LCA5L: variants seen among roughly 807,000 people sequenced by gnomAD.
LCA5L encodes lebercilin-like protein.
LCA5L carries 35 observed loss-of-function variants against 45.4 expected under a neutral mutation model. That is an observed-to-expected ratio of 0.77 (90% CI 0.59 to 1.02). The LOEUF is 1.02. LCA5L is among the 50% of genes least tolerant of loss of function. The probability of loss-of-function intolerance (pLI) is 0.00; values close to 1 mark genes in which losing one functional copy is unlikely to be tolerated. For synonymous variants in LCA5L, 233 were observed against 264.7 expected (o/e 0.88, Z 1.16); for missense variants, 668 against 761.6 (o/e 0.88, Z 1.45).
intron 1 of LCA5L, among the ~76,000 whole-genome samples, chr21:39,445,122 A>T (rs2077322169): frequency 6.6e-6 from 1 of 152,154 alleles, no homozygotes; most frequent in Non-Finnish European, 1.5e-5. Flanking sequence ...GAAAAAAGTT[A>T]ACCGTTGGCT....
At position 39,422,995 on chromosome 21, in the gene LCA5L, G is replaced by T. The variant is rs1219349170; in HGVS notation, c.818C>A (p.Ala273Glu). The T allele has an allele frequency of 6.2e-7, 1 of 1,610,206 alleles. No homozygotes were observed. The change falls in exon 6 of 11, where the codon GCA (alanine) becomes GAA (glutamate). Residue 273 changes from alanine (A) to glutamate (E), a missense_variant. Ala to Glu is a moderately radical substitution (Grantham distance 107). Transcript: ENST00000288350. Reference protein sequence around the residue: ...KLSIITTKMDANDKKIQSLEK... With the variant: ...KLSIITTKMDENDKKIQSLEK... ...ACAGACCTGTATTTTTTTGTCATTT[G>T]CGTCCATTTTTGTTGTGATAATAGA...
At chr21:39,444,053 A>G (rs1467621325) in intron 2 of LCA5L, 82 bp downstream of exon 2, 1 of 151,826 alleles carries the variant, frequency 6.6e-6, no homozygotes, top group African/African-American at 2.4e-5. Context: ...ACAACAAAAA[A>G]AGAGAGATTG....
At chr21:39,434,044 AGGATATTCCTAGCATTCT>A (rs1159827277) in intron 3 of LCA5L, among the ~76,000 whole-genome samples, 1 of 151,680 alleles carries the variant, frequency 6.6e-6, no homozygotes, top group Non-Finnish European at 1.5e-5. Context: ...TCAAAGAGAC[AGGATATTCCTAGCATTCT>A]GGAATTCCCA....
intron 6 of LCA5L, 28 bp from the exon 7 acceptor site, chr21:39,420,871 C>G (rs1446681859): frequency 1.3e-6 from 2 of 1,563,396 alleles, no homozygotes; most frequent in South Asian, 1.1e-5. Flanking sequence ...TATAACTATT[C>G]TGCAACCAAG....
intron 5 of LCA5L, 34 bp downstream of exon 5, chr21:39,428,138 A>C (rs1298486661): frequency 8.1e-7 from 1 of 1,230,688 alleles, no homozygotes; most frequent in East Asian, 2.3e-5. Flanking sequence ...TTATGACAGA[A>C]ATTTGGTCTT....
intron 5 of LCA5L, among the ~76,000 whole-genome samples, chr21:39,427,237 T>C (rs570067512): frequency 6.6e-6 from 1 of 152,184 alleles, no homozygotes; most frequent in South Asian, 2.1e-4. Context: ...GGAATACTTA[T>C]GAGCTCAAGA....
chr21:39,428,580 A>T (rs867746067), intron 4 of LCA5L, 77 bp from the exon 5 acceptor site: 88 of 23,348 alleles, frequency 3.8e-3, no homozygotes, highest in Non-Finnish European at 6.8e-3. Flanking sequence ...GCTTTATTTT[A>T]TATATATATA....
chr21:39,423,725 T>C (rs1052406731), intron 5 of LCA5L, among the ~76,000 whole-genome samples: 1 of 152,198 alleles, frequency 6.6e-6, no homozygotes, highest in Non-Finnish European at 1.5e-5. Flanking sequence ...AGTTGTAATA[T>C]ATTTTATAGC....
In LCA5L at chr21:39,428,321, C is replaced by T. The variant is rs112771223; in HGVS notation, c.173G>A (p.Cys58Tyr). The change falls in exon 5 of 11, where the codon TGT (cysteine) becomes TAT (tyrosine). Residue 58 changes from cysteine to tyrosine, a missense_variant. Physicochemically the swap from Cys to Tyr is radical, Grantham distance 194. Coordinates refer to ENST00000288350, the MANE Select transcript of LCA5L (RefSeq NM_152505.4). The part of the protein sequence containing the change: ...SVDYSRSQCS[C>Y]GSLSSQYDYS... ...ATCATACTGAGAACTTAAACTTCCA[C>T]AGGAGCACTGAGATCTGCTATAATC... 1 of 1,613,696 alleles carries T rather than the reference C, an allele frequency of 6.2e-7. No individual in the cohort carries two copies. Among genetic ancestry groups the T allele is most frequent in the Non-Finnish European group, 8.5e-7 (1 of 1,179,846 alleles).
intron 3 of LCA5L, among the ~76,000 whole-genome samples, chr21:39,430,480 A>G (rs1005936086): frequency 1.3e-5 from 2 of 152,192 alleles, no homozygotes; most frequent in African/African-American, 4.8e-5. Context: ...GACAATTTGA[A>G]GGCAGACCGG....
chr21:39,414,761 T>TGTGTGA (rs2040834216), intron 7 of LCA5L, among the ~76,000 whole-genome samples: 1 of 151,516 alleles, frequency 6.6e-6, no homozygotes, highest in African/African-American at 2.4e-5. Context: ...TGTGTGTGTG[T>TGTGTGA]GTGTGTGTGT....
intron 5 of LCA5L, chr21:39,426,183 A>T (rs2074671929): frequency 6.6e-6 from 1 of 152,112 alleles, no homozygotes; most frequent in South Asian, 2.1e-4. Flanking sequence ...GTGGGTGGGG[A>T]GGACAAGCCA....
At chr21:39,439,208 TG>T (rs1266743413) in intron 2 of LCA5L, among the ~76,000 whole-genome samples, 1 of 152,110 alleles carries the variant, frequency 6.6e-6, no homozygotes, top group Non-Finnish European at 1.5e-5. Context: ...GCTTTCAAGA[TG>T]GAAGAAGGGG....
chr21:39,420,197 G>C (rs781099476), intron 7 of LCA5L, among the ~76,000 whole-genome samples: 15 of 152,046 alleles, frequency 9.9e-5, no homozygotes, highest in African/African-American at 2.4e-4. Flanking sequence ...TATGATTGTA[G>C]AGAAAATATC....
intron 7 of LCA5L, 64 bp from the exon 8 acceptor site, chr21:39,411,866 T>G: frequency 1.1e-6 from 1 of 926,818 alleles, no homozygotes; most frequent in Non-Finnish European, 1.7e-6. Flanking sequence ...TGATTTCTTT[T>G]AAAAACAATT....
intron 3 of LCA5L, among the ~76,000 whole-genome samples, chr21:39,433,375 G>A (rs893408515): frequency 4.4e-5 from 6 of 136,572 alleles, no homozygotes; most frequent in Non-Finnish European, 6.1e-5. Context: ...CTGAGATTGC[G>A]CCATTGTACT....
intron 2 of LCA5L, among the ~76,000 whole-genome samples, chr21:39,442,119 G>A (rs114963933): frequency 6.6e-6 from 1 of 152,210 alleles, no homozygotes; most frequent in African/African-American, 2.4e-5. Context: ...AGCGATCAGG[G>A]AAGTTATCCC....
intron 3 of LCA5L, among the ~76,000 whole-genome samples, chr21:39,431,805 C>T (rs1365024140): frequency 2.0e-5 from 3 of 152,274 alleles, no homozygotes; most frequent in African/African-American, 4.8e-5. Flanking sequence ...TGTAAGCCAG[C>T]GCGCCTGGCC....
At chr21:39,424,646 T>C (rs1387017272) in intron 5 of LCA5L, among the ~76,000 whole-genome samples, 10 of 152,236 alleles carry the variant, frequency 6.6e-5, no homozygotes, top group African/African-American at 9.6e-5. Context: ...AAAGAACTTA[T>C]ATATTCAAAA....
Sources: gnomAD v4.1 joint callset for allele counts (sites outside exome capture counted in the v4.1 genomes callset) on GRCh38, gnomAD v4.1.1 for gene constraint, MANE v1.5 for transcripts, NCBI Gene and HGNC (gene_info 2026-07-23, HGNC 2026-07-21) for gene names.